UST: variants seen among roughly 807,000 people sequenced by gnomAD.
UST encodes the protein uronyl 2-sulfotransferase, also known as chondroitin sulfate 2-O-sulfotransferase.
UST carries 21 observed loss-of-function variants against 45.6 expected under a neutral mutation model. The observed-to-expected ratio is 0.46, with a 90% CI of 0.33 to 0.66. The LOEUF is 0.66. Ranked by LOEUF, UST falls within the 30% of genes least tolerant of loss-of-function variation. The pLI is 0.02. For missense variants in UST, 463 were observed against 512.4 expected, an observed-to-expected ratio of 0.90 and a Z score of 0.93; for synonymous variants, 215 against 200.6, an observed-to-expected ratio of 1.07 and a Z score of -0.61.
At chr6:148,950,287 G>A (rs564887790) in intron 3 of UST, among the ~76,000 whole-genome samples, 15 of 152,258 alleles carry the variant, frequency 9.9e-5, no homozygotes, top group African/African-American at 3.1e-4. Context: ...CTGCAGGTCT[G>A]GGGACCACAC....
intron 1 of UST, among the ~76,000 whole-genome samples, chr6:148,878,196 C>T (rs1283376837): frequency 3.7e-5 from 3 of 82,004 alleles, no homozygotes; most frequent in East Asian, 3.9e-4. Context: ...AGATCATGTA[C>T]GAGTGTGAGG....
chr6:148,974,331 T>A (rs1272788838), intron 5 of UST, among the ~76,000 whole-genome samples: 2 of 139,488 alleles, frequency 1.4e-5, no homozygotes, highest in African/African-American at 2.7e-5. Flanking sequence ...AAAAAAAAAA[T>A]ACCCGAACAA....
chr6:148,829,389 T>C (rs973599640), intron 1 of UST, among the ~76,000 whole-genome samples: 1 of 152,176 alleles, frequency 6.6e-6, no homozygotes, highest in Non-Finnish European at 1.5e-5. Context: ...AACTTCCCTA[T>C]CTGGAAAATG....
chr6:148,798,397 G>A (rs1776991842), intron 1 of UST, among the ~76,000 whole-genome samples: 1 of 152,114 alleles, frequency 6.6e-6, no homozygotes, highest in African/African-American at 2.4e-5. Context: ...GGCTGTGTTT[G>A]GGGAAGGCTG....
At chr6:149,032,259 C>A (rs147943437) in intron 7 of UST, among the ~76,000 whole-genome samples, 2 of 152,174 alleles carry the variant, frequency 1.3e-5, no homozygotes, top group African/African-American at 4.8e-5. Context: ...ACCACCCAAG[C>A]TCCCTGGCTT....
chr6:148,763,736 C>T (rs889990669), intron 1 of UST, among the ~76,000 whole-genome samples: 3 of 152,134 alleles, frequency 2.0e-5, no homozygotes, highest in African/African-American at 7.2e-5. Flanking sequence ...TTTCCAGCAC[C>T]ACTTATTGAA....
At chr6:148,843,924 C>T (rs1298792141) in intron 1 of UST, among the ~76,000 whole-genome samples, 2 of 152,160 alleles carry the variant, frequency 1.3e-5, no homozygotes, top group Admixed American at 1.3e-4. Flanking sequence ...TAATTCATTT[C>T]AGATACGTTG....
chr6:148,806,664 A>G (rs936623917), intron 1 of UST, among the ~76,000 whole-genome samples: 4 of 152,188 alleles, frequency 2.6e-5, no homozygotes, highest in African/African-American at 9.6e-5. Context: ...ATTCATTTTT[A>G]TCTTAGTCTG....
In UST at chr6:148,748,400, TGTGTGTG is replaced by T. The variant is rs1359612623; in HGVS notation, c.247+724_247+730del. Among the ~76,000 whole-genome samples the T allele has an allele frequency of 7.5e-4, 2 of 2,656 alleles. No homozygotes were observed. Among genetic ancestry groups the T allele is most frequent in the East Asian group, 0.011 (2 of 176 alleles). 1.7% of individuals were successfully genotyped at this position (2,656 alleles called of 152,430 possible). ...TGCGTCTCAAGCTCAAGTCAAAACT[TGTGTGTG>T]TGTGTGTGTGTGTGTGTGTGTGTGT... On this transcript the variant is annotated intron_variant, in intron 1 of 7. Transcript: ENST00000367463. This position sits in a 1 kb window ranked among gnomAD's most constrained non-coding sequence, Gnocchi z 5.3.
At chr6:148,791,907 T>C (rs979785498) in intron 1 of UST, among the ~76,000 whole-genome samples, 1 of 152,204 alleles carries the variant, frequency 6.6e-6, no homozygotes, top group Non-Finnish European at 1.5e-5. Flanking sequence ...AATCACATGA[T>C]GCAGGATGCT....
intron 1 of UST, among the ~76,000 whole-genome samples, chr6:148,831,247 C>T (rs1215196858): frequency 3.3e-5 from 5 of 152,146 alleles, no homozygotes; most frequent in East Asian, 3.9e-4. Context: ...GTAACTTCTG[C>T]GGTACAATTC....
chr6:148,833,582 G>T (rs1163505004), intron 1 of UST, among the ~76,000 whole-genome samples: 1 of 152,196 alleles, frequency 6.6e-6, no homozygotes, highest in Non-Finnish European at 1.5e-5. Flanking sequence ...AAGTTCCAGG[G>T]AGAAAAAGTA....
At chr6:148,761,900 C>G (rs1242988584) in intron 1 of UST, among the ~76,000 whole-genome samples, 5 of 152,214 alleles carry the variant, frequency 3.3e-5, no homozygotes, top group Admixed American at 2.0e-4. Flanking sequence ...AGAAGCAGCT[C>G]TCTAACAGCT....
In UST at chr6:149,017,069, A is replaced by G. The variant is rs535174979; in HGVS notation, c.682-2070A>G. Among the ~76,000 whole-genome samples, 71 of 152,224 alleles carry G rather than the reference A, an allele frequency of 4.7e-4. 1 individual carries two copies. The highest frequency in any genetic ancestry group is 8.7e-4 in the Non-Finnish European group (59 of 68,044). On this transcript the variant is annotated intron_variant, in intron 5 of 7. Transcript: ENST00000367463. Reference sequence around the variant, plus strand: ...TTTCACAGTGTGTAAATCTCTGTACAGTTTTCTCACAATAAATGTAAGATG... The same window carrying G: ...TTTCACAGTGTGTAAATCTCTGTACGGTTTTCTCACAATAAATGTAAGATG...
intron 3 of UST, among the ~76,000 whole-genome samples, 176 bp from the exon 4 acceptor site, chr6:148,953,696 C>T (rs560655607): frequency 2.0e-5 from 3 of 147,984 alleles, no homozygotes; most frequent in East Asian, 2.0e-4. Flanking sequence ...GGCGTGAACC[C>T]GGGAGGCGGA....
intron 1 of UST, among the ~76,000 whole-genome samples, chr6:148,883,334 C>A (rs1307407631): frequency 6.6e-6 from 1 of 152,172 alleles, no homozygotes; most frequent in Non-Finnish European, 1.5e-5. Flanking sequence ...CGTTAGACAT[C>A]CAAGCTGAGG....
At chr6:149,022,276 A>G (rs1229721166) in intron 7 of UST, among the ~76,000 whole-genome samples, 4 of 152,178 alleles carry the variant, frequency 2.6e-5, no homozygotes, top group African/African-American at 9.7e-5. Context: ...TTGTCCTGAG[A>G]TGGAAGAAGG....
chr6:148,813,141 G>GTTTTTTGTGCACATAAATAT (rs975482081), intron 1 of UST, among the ~76,000 whole-genome samples: 1 of 151,946 alleles, frequency 6.6e-6, no homozygotes, highest in African/African-American at 2.4e-5. Context: ...TTATTCTTAT[G>GTTTTTTGTGCACATAAATAT]GTTTTAATGT....
chr6:148,937,044 T>G (rs1287916636), intron 2 of UST, among the ~76,000 whole-genome samples: 2 of 152,224 alleles, frequency 1.3e-5, no homozygotes, highest in Non-Finnish European at 2.9e-5. Context: ...ATCTGCTTCT[T>G]GTTAACACTG....
Sources: gnomAD v4.1 joint callset for allele counts (sites outside exome capture counted in the v4.1 genomes callset) on GRCh38, gnomAD v4.1.1 for gene constraint, Gnocchi (gnomAD v3.1) non-coding constraint, MANE v1.5 for transcripts, NCBI Gene and HGNC (gene_info 2026-07-23, HGNC 2026-07-21) for gene names.